Variants in FBXO30 observed in about 807,000 individuals in gnomAD.
The protein encoded by FBXO30 is F-box only protein 30.
FBXO30 carries 21 observed loss-of-function variants against 58.1 expected under a neutral mutation model. That is an observed-to-expected ratio of 0.36 (90% confidence interval 0.26 to 0.52). The LOEUF (loss-of-function observed/expected upper bound fraction) is 0.52. Among genes scored for constraint, FBXO30 ranks in the 20% least tolerant of loss-of-function variants. The pLI, the probability that FBXO30 is intolerant of heterozygous loss-of-function variation, is 0.93. For missense variants in FBXO30, 744 were observed against 897.3 expected, an observed-to-expected ratio of 0.83 and a Z score of 2.18; for synonymous variants, 309 against 312.4, an observed-to-expected ratio of 0.99 and a Z score of 0.11.
At chr6:145,801,491 C>T (rs1230776008) in intron 2 of FBXO30, among the ~76,000 whole-genome samples, 1 of 151,826 alleles carries the variant, frequency 6.6e-6, no homozygotes, top group Non-Finnish European at 1.5e-5. Flanking sequence ...TCTTTTTCTA[C>T]CAATGTGGCC....
In FBXO30 at chr6:145,805,504, T is replaced by G; in HGVS notation, c.902A>C (p.Gln301Pro). 1 of 1,605,458 alleles carries G rather than the reference T, an allele frequency of 6.2e-7. No homozygotes were observed. The highest frequency in any genetic ancestry group is 8.5e-7 in the Non-Finnish European group (1 of 1,175,454). Residue 301 changes from glutamine to proline, a missense_variant, in exon 2 of 3, where the codon CAG becomes CCG. This residue lies in a region of FBXO30 where 275 missense variants were observed against 262.0 expected (regional missense o/e 1.05). Coordinates refer to ENST00000237281, the MANE Select transcript of FBXO30 (RefSeq NM_032145.5). ...TTGTTTTGAATCACCATGTAAATTC[T>G]GATTCTGGTCTATGACCTGGGTACA... ...NICTQVIDQNQNLHGDSKQSN... is the reference protein window; with the variant it reads ...NICTQVIDQNPNLHGDSKQSN...
Position 145,797,776 on chromosome 6 carries a change from T to A in FBXO30, c.*2330A>T, listed in dbSNP as rs1216602282. On this transcript the variant is annotated 3_prime_UTR_variant, in exon 3 of 3. Transcript: ENST00000237281. ...AAGTGAATTCAAATACTTCCCTCCATCCCGATGCTTGCCTTTTACCTTGCT... is the reference window on the plus strand; with the variant it reads ...AAGTGAATTCAAATACTTCCCTCCAACCCGATGCTTGCCTTTTACCTTGCT... 6.6e-6 allele frequency: 1 copy of A among 152,142 alleles called. No individual in the cohort carries two copies. The highest frequency in any genetic ancestry group is 1.5e-5 in the Non-Finnish European group (1 of 67,932). The allele number at this position is 152,142 out of a possible 1,614,324, so 9.4% of individuals were successfully genotyped here.
chr6:145,800,395 G>T, intron 2 of FBXO30, 86 bp from the exon 3 acceptor site: 1 of 1,053,280 alleles, frequency 9.5e-7, no homozygotes, highest in South Asian at 1.5e-5. Context: ...ATACATTTCT[G>T]CTATTATAGA....
rs1777903011 is a variant in FBXO30, at chr6:145,798,212, T to G, written c.*1894A>C. On this transcript the variant is annotated 3_prime_UTR_variant, in exon 3 of 3. Transcript: ENST00000237281. ...AGCCATGTTAAGGGAAAACATTAAT[T>G]TTATTAGAACTTGAACAAATGTTTC... The G allele has an allele frequency of 6.6e-6, 1 of 152,050 alleles. No homozygotes were observed. Among genetic ancestry groups the G allele is most frequent in the African/African-American group, 2.4e-5 (1 of 41,442 alleles). The allele number at this position is 152,050 out of a possible 1,614,324, so 9.4% of individuals were successfully genotyped here. A position where few individuals can be genotyped will look rare whatever the true frequency, so the allele number is the denominator to read the frequency against.
intron 1 of FBXO30, among the ~76,000 whole-genome samples, chr6:145,811,082 C>T (rs1562247832): frequency 6.6e-6 from 1 of 152,314 alleles, no homozygotes; most frequent in East Asian, 1.9e-4. Flanking sequence ...TCTATTTCCA[C>T]AGGAAAGCTA....
At chr6:145,808,921 G>A (rs1357283496) in intron 1 of FBXO30, among the ~76,000 whole-genome samples, 1 of 152,122 alleles carries the variant, frequency 6.6e-6, no homozygotes, top group Non-Finnish European at 1.5e-5. Flanking sequence ...TGAGGTATGA[G>A]TTTTCTCAAA....
In FBXO30 at chr6:145,805,559, G is replaced by A; in HGVS notation, c.847C>T (p.Leu283Phe). 6.2e-7 allele frequency: 1 copy of A among 1,611,814 alleles called. No individual in the cohort carries two copies. The highest frequency in any genetic ancestry group is 2.2e-5 in the East Asian group (1 of 44,876). The change falls in exon 2 of 3, where the codon CTT (leucine) becomes TTT (phenylalanine). Residue 283 changes from leucine (L) to phenylalanine (F), a missense_variant. Physicochemically the swap from Leu to Phe is conservative, Grantham distance 22 (BLOSUM62 0). Around this residue, in one of 3 missense-constraint regions of FBXO30, gnomAD observed 275 missense variants for 262.0 expected, o/e 1.05. Coordinates refer to ENST00000237281, the MANE Select transcript of FBXO30 (RefSeq NM_032145.5). ...TTTTCCAAAGGAAAGCCATTACAAA[G>A]AGCAGAAGTGTCATAAGAACTTGTA... ...LNTSSYDTSA[L>F]CNGFPLENIC...
At position 145,804,915 on chromosome 6, in the gene FBXO30, C is replaced by G. The variant is rs772992095; in HGVS notation, c.1491G>C (p.Gln497His). ...NPQLSNPSPF[Q>H]TLGLDLVLEC... The stretch of plus-strand genomic sequence containing the variant: ...CCAATACTAAATCCAGCCCAAGTGT[C>G]TGAAACGGACTTGGATTTGAAAGCT... The change falls in exon 2 of 3, where the codon CAG becomes CAC. Residue 497 changes from glutamine (Q) to histidine (H), a missense_variant. Around this residue, in one of 3 missense-constraint regions of FBXO30, gnomAD observed 334 missense variants for 433.7 expected, o/e 0.77. Transcript: ENST00000237281. 1 of 1,613,868 alleles carries G rather than the reference C, an allele frequency of 6.2e-7. No homozygotes were observed. Among genetic ancestry groups the G allele is most frequent in the East Asian group, 2.2e-5 (1 of 44,870 alleles).
chr6:145,802,741 A>G (rs1318003148), intron 2 of FBXO30, among the ~76,000 whole-genome samples: 3 of 152,068 alleles, frequency 2.0e-5, no homozygotes, highest in African/African-American at 7.2e-5. Flanking sequence ...GGAAGTAGGA[A>G]CCCAGTTAGA....
intron 1 of FBXO30, among the ~76,000 whole-genome samples, chr6:145,811,334 T>C (rs1778328353): frequency 6.6e-6 from 1 of 152,136 alleles, no homozygotes; most frequent in Non-Finnish European, 1.5e-5. Flanking sequence ...GTATTGGCCA[T>C]AAAAAGTCAA....
At position 145,811,327 on chromosome 6, in the gene FBXO30, T is replaced by C. The variant is rs569211193; in HGVS notation, c.-17+3276A>G. Among the ~76,000 whole-genome samples, 49 of 152,316 alleles carry C rather than the reference T, an allele frequency of 3.2e-4. 1 individual carries two copies. Among genetic ancestry groups the C allele is most frequent in the South Asian group, 6.2e-4 (3 of 4,828 alleles). On this transcript the variant is annotated intron_variant, in intron 1 of 2. Transcript: ENST00000237281. ...ACTGAATCAAAATTACTTCATTGTA[T>C]TGGCCATAAAAAGTCAATGGTGCTC... is the stretch of plus-strand genomic sequence containing the variant.
chr6:145,807,900 GGAGGGTCATTT>G (rs777660116), intron 1 of FBXO30, among the ~76,000 whole-genome samples: 1 of 152,008 alleles, frequency 6.6e-6, no homozygotes, highest in Non-Finnish European at 1.5e-5. Flanking sequence ...GGCCAACATA[GGAGGGTCATTT>G]GAGGCCTGGA....
intron 1 of FBXO30, among the ~76,000 whole-genome samples, chr6:145,813,994 G>A (rs1778420765): frequency 6.6e-6 from 1 of 152,100 alleles, no homozygotes; most frequent in Non-Finnish European, 1.5e-5. Flanking sequence ...TCCAAGCAAA[G>A]GAGTTCCAAG....
chr6:145,812,633 C>CA (rs1345704481), intron 1 of FBXO30, among the ~76,000 whole-genome samples: 1 of 152,154 alleles, frequency 6.6e-6, no homozygotes, highest in Non-Finnish European at 1.5e-5. Flanking sequence ...ATTTGCACAA[C>CA]AGCCACACTT....
Position 145,800,157 on chromosome 6 carries a change from T to G in FBXO30, c.2187A>C (p.Glu729Asp). ...IPLPCMCVTRELTKEGRSLRS... is the reference protein window; with the variant it reads ...IPLPCMCVTRDLTKEGRSLRS... ...GTAGTGAACGTCCTTCTTTAGTGAG[T>G]TCTCGTGTCACACACATACATGGCA... The change falls in exon 3 of 3, where the codon GAA (glutamate) becomes GAC (aspartate). Residue 729 changes from glutamate to aspartate, a missense_variant. Coordinates refer to ENST00000237281, the MANE Select transcript of FBXO30 (RefSeq NM_032145.5). 6.2e-7 allele frequency: 1 copy of G among 1,613,034 alleles called. No individual in the cohort carries two copies. The highest frequency in any genetic ancestry group is 8.5e-7 in the Non-Finnish European group (1 of 1,179,286).
intron 2 of FBXO30, among the ~76,000 whole-genome samples, chr6:145,802,210 G>A (rs1778022014): frequency 6.6e-6 from 1 of 152,088 alleles, no homozygotes; most frequent in African/African-American, 2.4e-5. Context: ...AACTTGTCAG[G>A]TTATGGGTCC....
At chr6:145,808,525 C>T (rs1289166097) in intron 1 of FBXO30, among the ~76,000 whole-genome samples, 1 of 152,064 alleles carries the variant, frequency 6.6e-6, no homozygotes, top group Admixed American at 6.6e-5. Context: ...TTCTTCAGGG[C>T]TTGTGTCATT....
chr6:145,794,601 T>G lies in FBXO30; in HGVS notation c.*5505A>C, dbSNP rs1404939106. 6.6e-6 allele frequency: 1 copy of G among 151,868 alleles called. No homozygotes were observed. Among genetic ancestry groups the G allele is most frequent in the Non-Finnish European group, 1.5e-5 (1 of 67,822 alleles). 9.4% of individuals were successfully genotyped at this position (151,868 alleles called of 1,614,324 possible). On this transcript the variant is annotated 3_prime_UTR_variant, in exon 3 of 3. Coordinates refer to ENST00000237281, the MANE Select transcript of FBXO30 (RefSeq NM_032145.5). ...TTTAAAATACAGATTTTTTAAAAAGTCATCAATTGATATAAAAGACATCCA... is the reference window on the plus strand; with the variant it reads ...TTTAAAATACAGATTTTTTAAAAAGGCATCAATTGATATAAAAGACATCCA...
Position 145,800,011 on chromosome 6 carries a change from G to T in FBXO30, c.*95C>A. On this transcript the variant is annotated 3_prime_UTR_variant, in exon 3 of 3. Transcript: ENST00000237281. ...TATATACACAGTGACAATAAATTTA[G>T]CTAGTTGTAATATTTAATACATTAA... The T allele has an allele frequency of 1.2e-6, 1 of 855,544 alleles. No homozygotes were observed. Among genetic ancestry groups the T allele is most frequent in the Non-Finnish European group, 1.8e-6 (1 of 548,000 alleles). 53.0% of individuals were successfully genotyped at this position (855,544 alleles called of 1,614,324 possible). A position where few individuals can be genotyped will look rare whatever the true frequency, so the allele number is the denominator to read the frequency against.
Sources: gnomAD v4.1 joint callset for allele counts (sites outside exome capture counted in the v4.1 genomes callset) on GRCh38, gnomAD v4.1.1 for gene constraint, gnomAD v4.1.1 regional missense constraint, MANE v1.5 for transcripts, NCBI Gene and HGNC (gene_info 2026-07-23, HGNC 2026-07-21) for gene names.